The following ARHGEF7 variants were observed in gnomAD, a reference collection of about 807,000 sequenced individuals.
ARHGEF7 encodes Rho guanine nucleotide exchange factor 7, also known as PAK-interacting exchange factor beta.
A neutral mutation model predicts 109.8 loss-of-function variants in ARHGEF7; 33 were observed. The observed-to-expected ratio is 0.30, with a 90% confidence interval of 0.23 to 0.40. The LOEUF (loss-of-function observed/expected upper bound fraction) is 0.40, where lower values mean the gene tolerates loss of function less well. Ranked by LOEUF, ARHGEF7 falls within the 10% of genes least tolerant of loss-of-function variation. ARHGEF7 has a pLI of 1.00. For missense variants in ARHGEF7, 938 were observed against 1,098.5 expected (o/e 0.85, Z 2.07); for synonymous variants, 458 against 424.6 (o/e 1.08, Z -0.97).
intron 18 of ARHGEF7, among the ~76,000 whole-genome samples, chr13:111,290,082 T>C (rs187093704): frequency 1.1e-3 from 161 of 152,390 alleles, no homozygotes; most frequent in Non-Finnish European, 1.7e-3. Flanking sequence ...ATATTGATCA[T>C]GTTTTAAGTA....
Position 111,301,512 on chromosome 13 carries a change from G to A in ARHGEF7, c.2446G>A (p.Glu816Lys). The A allele has an allele frequency of 1.9e-6, 3 of 1,612,384 alleles. No individual in the cohort carries two copies. Among genetic ancestry groups the A allele is most frequent in the Non-Finnish European group, 2.5e-6 (3 of 1,178,628 alleles). The part of the protein sequence containing the change: ...LVDTVYALKD[E>K]VQELRQDNKK... ...GGATACCGTATATGCATTAAAGGAT[G>A]AAGTTCAAGAATTAAGACAGGTACG... Residue 816 changes from glutamate (E) to lysine (K), a missense_variant, in exon 21 of 22, where the codon GAA (glutamate) becomes AAA (lysine). Transcript: ENST00000646102.
chr13:111,194,466 G>A (rs1438122889), intron 2 of ARHGEF7, among the ~76,000 whole-genome samples: 4 of 152,156 alleles, frequency 2.6e-5, no homozygotes, highest in African/African-American at 9.7e-5. Context: ...TAATGTCTTA[G>A]GGTGAGGATA....
At chr13:111,136,531 G>A (rs1341727522) in intron 1 of ARHGEF7, among the ~76,000 whole-genome samples, 5 of 152,186 alleles carry the variant, frequency 3.3e-5, no homozygotes, top group Non-Finnish European at 7.3e-5. Context: ...AAATAAAGAT[G>A]TTCTTTGAAA....
chr13:111,159,245 A>G (rs952833981), intron 2 of ARHGEF7, among the ~76,000 whole-genome samples: 2 of 152,338 alleles, frequency 1.3e-5, no homozygotes, highest in South Asian at 2.1e-4. Flanking sequence ...CTAGTATTCT[A>G]TTGTGTATAT....
intron 19 of ARHGEF7, among the ~76,000 whole-genome samples, chr13:111,300,494 T>A (rs1237018810): frequency 6.6e-6 from 1 of 152,198 alleles, no homozygotes; most frequent in East Asian, 1.9e-4. Flanking sequence ...GTTTCAACAA[T>A]CCGTAATTCC....
chr13:111,218,247 G>A (rs956357882), intron 5 of ARHGEF7, among the ~76,000 whole-genome samples: 1 of 151,984 alleles, frequency 6.6e-6, no homozygotes, highest in Non-Finnish European at 1.5e-5. Context: ...TGTGACTATG[G>A]GTGGTACTTT....
At chr13:111,262,465 G>C (rs2091209279) in intron 8 of ARHGEF7, among the ~76,000 whole-genome samples, 1 of 152,160 alleles carries the variant, frequency 6.6e-6, no homozygotes. Flanking sequence ...GAGGCTACTT[G>C]TGAAGTCTCA....
chr13:111,175,104 T>C (rs1340713972), intron 2 of ARHGEF7, among the ~76,000 whole-genome samples: 1 of 152,180 alleles, frequency 6.6e-6, no homozygotes, highest in Non-Finnish European at 1.5e-5. Flanking sequence ...GGGACGAGCT[T>C]CTCTAAATTG....
intron 15 of ARHGEF7, chr13:111,281,129 T>C (rs1567066122): frequency 6.6e-6 from 1 of 151,416 alleles, no homozygotes; most frequent in Non-Finnish European, 1.5e-5. Flanking sequence ...TTTTAAGAAA[T>C]TGAGGTGTCT....
Position 111,300,737 on chromosome 13 carries a change from C to G in ARHGEF7, c.2312-11C>G, listed in dbSNP as rs779607372. ...GCCTGAGGTTTATTTATTATTTTTT[C>G]ATGATCCTAGGTTCACGCAAAGAAT... is the stretch of plus-strand genomic sequence containing the variant. On this transcript the variant is annotated splice_polypyrimidine_tract_variant and intron_variant, in intron 19 of 21. Coordinates refer to ENST00000646102, the MANE Select transcript of ARHGEF7 (RefSeq NM_001354046.2). The G allele has an allele frequency of 6.4e-7, 1 of 1,571,594 alleles. No homozygotes were observed. The highest frequency in any genetic ancestry group is 1.2e-5 in the South Asian group (1 of 85,722).
chr13:111,290,729 A>G (rs2093245737), intron 18 of ARHGEF7, among the ~76,000 whole-genome samples: 1 of 152,232 alleles, frequency 6.6e-6, no homozygotes, highest in Non-Finnish European at 1.5e-5. Context: ...ATTGAACGAT[A>G]CATTGATTTT....
intron 2 of ARHGEF7, among the ~76,000 whole-genome samples, chr13:111,164,589 A>G (rs1175220660): frequency 6.6e-6 from 1 of 152,228 alleles, no homozygotes; most frequent in African/African-American, 2.4e-5. Flanking sequence ...GGACCCTGCA[A>G]TTGAGTACTT....
chr13:111,175,942 G>A (rs189742787), intron 2 of ARHGEF7, among the ~76,000 whole-genome samples: 32 of 152,268 alleles, frequency 2.1e-4, no homozygotes, highest in Admixed American at 2.0e-3. Flanking sequence ...CAGAGCGAAG[G>A]GCAGGGAAAA....
At chr13:111,130,616 T>C (rs551734739) in intron 1 of ARHGEF7, among the ~76,000 whole-genome samples, 16 of 152,376 alleles carry the variant, frequency 1.1e-4, no homozygotes, top group African/African-American at 3.6e-4. Flanking sequence ...TGCTAGGAAC[T>C]GGAGATTTCG....
chr13:111,293,288 G>C, intron 19 of ARHGEF7: 2 of 985,376 alleles, frequency 2.0e-6, no homozygotes, highest in Non-Finnish European at 2.4e-6. Flanking sequence ...TTGTCTGGAA[G>C]AGCCATGGAC....
At chr13:111,187,472 C>T (rs886322560) in intron 2 of ARHGEF7, among the ~76,000 whole-genome samples, 7 of 152,174 alleles carry the variant, frequency 4.6e-5, no homozygotes, top group African/African-American at 1.7e-4. Context: ...CCATTCCTGA[C>T]TTGTTTGTTG....
In ARHGEF7 at chr13:111,300,876, G is replaced by A. The variant is rs1366834187; in HGVS notation, c.2411+29G>A. ...AGATGTCTTCCGGTATTCTAAAGCA[G>A]ATGTTTGACCTCTGCGGTGGGGTAG... On this transcript the variant is annotated intron_variant, in intron 20 of 21. Coordinates refer to ENST00000646102, the MANE Select transcript of ARHGEF7 (RefSeq NM_001354046.2). 4 of 1,500,072 alleles carry A rather than the reference G, an allele frequency of 2.7e-6. No individual in the cohort carries two copies. In the Middle Eastern group the frequency reaches 5.2e-4, roughly 194 times the overall value. The allele number at this position is 1,500,072 out of a possible 1,614,324, so 92.9% of individuals were successfully genotyped here.
chr13:111,241,098 T>C (rs2153540416), intron 6 of ARHGEF7: 1 of 1,487,944 alleles, frequency 6.7e-7, no homozygotes, highest in Admixed American at 2.1e-5. Flanking sequence ...GCACCAGTGT[T>C]TGACTGCACT....
rs7985178 is a variant in ARHGEF7, at chr13:111,172,307, A to G, written c.252+18316A>G. On this transcript the variant is annotated intron_variant, in intron 2 of 21. Coordinates refer to ENST00000646102, the MANE Select transcript of ARHGEF7 (RefSeq NM_001354046.2). The stretch of plus-strand genomic sequence containing the variant: ...TATTCTCTTAATATCCCTAAACGAA[A>G]TAAATTCAGTTCTATAAATGGAAGC... Among the ~76,000 whole-genome samples, 1,348 of 152,080 alleles carry G rather than the reference A, an allele frequency of 8.9e-3. 17 individuals carry two copies. The highest frequency in any genetic ancestry group is 0.03 in the African/African-American group (1,227 of 41,482).
Sources: gnomAD v4.1 joint callset for allele counts (sites outside exome capture counted in the v4.1 genomes callset) on GRCh38, gnomAD v4.1.1 for gene constraint, MANE v1.5 for transcripts, NCBI Gene and HGNC (gene_info 2026-07-23, HGNC 2026-07-21) for gene names.